Variants in SUCLG2 observed in about 807,000 individuals in gnomAD.
SUCLG2 encodes succinate--CoA ligase [GDP-forming] subunit beta, mitochondrial.
SUCLG2 carries 42 observed loss-of-function variants against 47.9 expected under a neutral mutation model. That is an observed-to-expected ratio of 0.88 (90% CI 0.69 to 1.14). The LOEUF (loss-of-function observed/expected upper bound fraction) is 1.14, where lower values mean the gene tolerates loss of function less well. SUCLG2 is among the 50% of genes most tolerant of loss of function. The pLI, the probability that SUCLG2 is intolerant of heterozygous loss-of-function variation, is 0.00. For missense variants in SUCLG2, 571 were observed against 525.9 expected (o/e 1.09, Z -0.84); for synonymous variants, 195 against 197.3 (o/e 0.99, Z 0.10).
chr3:67,390,994 T>C (rs755549348), intron 10 of SUCLG2, among the ~76,000 whole-genome samples: 24 of 152,232 alleles, frequency 1.6e-4, no homozygotes, highest in Non-Finnish European at 1.9e-4. Context: ...GAGCTCTTAA[T>C]ATATTAATAA....
chr3:67,444,274 A>G (rs375009951), intron 9 of SUCLG2, among the ~76,000 whole-genome samples: 15,889 of 31,678 alleles, frequency 0.5, 929 homozygotes, highest in Non-Finnish European at 0.52. Context: ...CACCCCGTCC[A>G]GGAGGGAGAT....
At chr3:67,618,765 G>C (rs2107329271) in intron 1 of SUCLG2, among the ~76,000 whole-genome samples, 1 of 152,272 alleles carries the variant, frequency 6.6e-6, no homozygotes, top group Admixed American at 6.5e-5. Flanking sequence ...AAATAAAGCA[G>C]CTGACAAATT....
chr3:67,409,995 T>C (rs1035166564), intron 9 of SUCLG2, among the ~76,000 whole-genome samples: 1 of 152,226 alleles, frequency 6.6e-6, no homozygotes, highest in African/African-American at 2.4e-5. Flanking sequence ...TGAAAAAATC[T>C]TCTGGTCAAA....
chr3:67,429,106 C>G (rs1016547276), intron 9 of SUCLG2, among the ~76,000 whole-genome samples: 2 of 152,210 alleles, frequency 1.3e-5, no homozygotes, highest in South Asian at 2.1e-4. Context: ...GAGAATGCCA[C>G]AAAGATACTC....
chr3:67,430,933 C>T (rs1297508238), intron 9 of SUCLG2, among the ~76,000 whole-genome samples: 3 of 152,164 alleles, frequency 2.0e-5, no homozygotes, highest in Non-Finnish European at 4.4e-5. Context: ...AGACCAATAA[C>T]AGGCTCTGAA....
chr3:67,653,505 C>T (rs1232569467), intron 1 of SUCLG2, among the ~76,000 whole-genome samples: 1 of 152,150 alleles, frequency 6.6e-6, no homozygotes, highest in Non-Finnish European at 1.5e-5. Flanking sequence ...CTCAAAAAAT[C>T]ATTAATCACT....
intron 9 of SUCLG2, among the ~76,000 whole-genome samples, chr3:67,411,231 A>G (rs1249026519): frequency 6.6e-6 from 1 of 152,036 alleles, no homozygotes; most frequent in Admixed American, 6.6e-5. Context: ...ATCAATTAGA[A>G]AAAAAAATAG....
chr3:67,520,305 A>G (rs1706060820), intron 5 of SUCLG2, among the ~76,000 whole-genome samples, 177 bp downstream of exon 5: 1 of 152,182 alleles, frequency 6.6e-6, no homozygotes, highest in Admixed American at 6.5e-5. Context: ...AACACTGAAT[A>G]CCTTGATTCC....
intron 4 of SUCLG2, among the ~76,000 whole-genome samples, chr3:67,526,450 C>G (rs1706258174): frequency 6.6e-6 from 1 of 152,178 alleles, no homozygotes. Context: ...TGACTAATCA[C>G]TTCCCAAAAG....
intron 2 of SUCLG2, among the ~76,000 whole-genome samples, chr3:67,586,776 A>G (rs978379668): frequency 6.6e-6 from 1 of 152,172 alleles, no homozygotes; most frequent in African/African-American, 2.4e-5. Flanking sequence ...GACATTTACT[A>G]TGTTCAGAGA....
chr3:67,485,870 T>C (rs1364151587), intron 9 of SUCLG2, among the ~76,000 whole-genome samples: 3 of 152,264 alleles, frequency 2.0e-5, no homozygotes, highest in Admixed American at 1.3e-4. Flanking sequence ...TACTGGCATA[T>C]TCTAAAGGTT....
rs115955188 is a variant in SUCLG2 at position 67,639,486 on chromosome 3, G to A, written c.84+15017C>T. On this transcript the variant is annotated intron_variant, in intron 1 of 10. Coordinates refer to ENST00000307227, the MANE Select transcript of SUCLG2 (RefSeq NM_003848.4). ...TGCTCCATCCGCATGGCCTCAGATC[G>A]CGCCACCATTTTTATACAGACTCAC... Among the ~76,000 whole-genome samples, 987 of 152,030 alleles carry A rather than the reference G, an allele frequency of 6.5e-3. 4 individuals carry two copies. Among genetic ancestry groups the A allele is most frequent in the Non-Finnish European group, 0.011 (761 of 68,012 alleles).
intron 10 of SUCLG2, among the ~76,000 whole-genome samples, chr3:67,388,206 A>G (rs1702301227): frequency 1.3e-5 from 2 of 152,212 alleles, no homozygotes; most frequent in Admixed American, 6.5e-5. Context: ...TTCCAAATTT[A>G]TGCAAAGAAA....
intron 2 of SUCLG2, among the ~76,000 whole-genome samples, chr3:67,550,324 C>T (rs1321787967): frequency 6.6e-6 from 1 of 152,170 alleles, no homozygotes; most frequent in Non-Finnish European, 1.5e-5. Flanking sequence ...ATTGTTAACA[C>T]ATCTTCCTTT....
intron 9 of SUCLG2, among the ~76,000 whole-genome samples, chr3:67,424,586 T>A (rs1375985624): frequency 6.6e-6 from 1 of 152,162 alleles, no homozygotes; most frequent in Non-Finnish European, 1.5e-5. Context: ...TAGTTATGAA[T>A]CTCTTCTATG....
At chr3:67,486,795 C>T (rs1263436810) in intron 9 of SUCLG2, among the ~76,000 whole-genome samples, 2 of 152,130 alleles carry the variant, frequency 1.3e-5, no homozygotes, top group African/African-American at 4.8e-5. Flanking sequence ...TGCAAAAGGA[C>T]ACGTTTTACA....
At chr3:67,547,096 G>C (rs1056639568) in intron 2 of SUCLG2, among the ~76,000 whole-genome samples, 2 of 152,158 alleles carry the variant, frequency 1.3e-5, no homozygotes, top group East Asian at 3.8e-4. Flanking sequence ...CTAACCCCCA[G>C]GTGATAGTAC....
At chr3:67,381,252 G>C (rs1427946810) in intron 10 of SUCLG2, among the ~76,000 whole-genome samples, 1 of 152,000 alleles carries the variant, frequency 6.6e-6, no homozygotes, top group South Asian at 2.1e-4. Context: ...AGTGGAAACA[G>C]GTTATTGAAA....
intron 10 of SUCLG2, among the ~76,000 whole-genome samples, chr3:67,367,755 G>A (rs1217354690): frequency 1.3e-5 from 2 of 152,090 alleles, no homozygotes; most frequent in Non-Finnish European, 2.9e-5. Context: ...TTAGTTGAGA[G>A]CCACTAATTT....
Sources: allele counts gnomAD v4.1 joint callset (sites outside exome capture counted in the v4.1 genomes callset), GRCh38; gene constraint gnomAD v4.1.1; transcripts MANE v1.5; gene names NCBI Gene and HGNC (gene_info 2026-07-23, HGNC 2026-07-21).